CADM2: variants seen among roughly 807,000 people sequenced by gnomAD.
The protein encoded by CADM2 is cell adhesion molecule 2.
In CADM2, 12 loss-of-function variants were observed where a neutral mutation model predicts 49.8. The observed-to-expected ratio is 0.24, with a 90% CI of 0.15 to 0.39. CADM2 has a LOEUF of 0.39. Among genes scored for constraint, CADM2 ranks in the 10% least tolerant of loss-of-function variants. The probability of loss-of-function intolerance (pLI) is 1.00; values close to 1 mark genes in which losing one functional copy is unlikely to be tolerated. For missense variants in CADM2, 378 were observed against 492.3 expected (o/e 0.77, Z 2.20); for synonymous variants, 214 against 175.4 (o/e 1.22, Z -1.74).
chr3:85,806,119 G>T (rs936204503), intron 3 of CADM2, among the ~76,000 whole-genome samples: 1 of 140,964 alleles, frequency 7.1e-6, no homozygotes, highest in Non-Finnish European at 1.6e-5. Context: ...CCTGAGCTTG[G>T]ATTTCTGTAT....
At chr3:86,058,867 G>A (rs1214530703) in intron 8 of CADM2, among the ~76,000 whole-genome samples, 1 of 151,920 alleles carries the variant, frequency 6.6e-6, no homozygotes, top group East Asian at 1.9e-4. Context: ...GCCTAAGCAG[G>A]TGGATCACCT....
At chr3:84,976,756 A>C (rs1052101726) in intron 1 of CADM2, among the ~76,000 whole-genome samples, 1 of 151,876 alleles carries the variant, frequency 6.6e-6, no homozygotes, top group African/African-American at 2.4e-5. Context: ...TTTGATGAAA[A>C]TTAATCCTAG....
chr3:85,397,159 C>G (rs1235242916), intron 1 of CADM2, among the ~76,000 whole-genome samples: 2 of 151,910 alleles, frequency 1.3e-5, no homozygotes, highest in East Asian at 3.9e-4. Context: ...AAAAGATGCC[C>G]AATATCACTA....
intron 8 of CADM2, among the ~76,000 whole-genome samples, chr3:85,965,722 T>A (rs1389325337): frequency 1.3e-5 from 2 of 151,550 alleles, no homozygotes; most frequent in African/African-American, 4.8e-5. Context: ...AGGTTGAATA[T>A]CTTGTCTTCA....
intron 1 of CADM2, among the ~76,000 whole-genome samples, chr3:85,389,778 G>A (rs2034430809): frequency 6.6e-6 from 1 of 151,958 alleles, no homozygotes; most frequent in South Asian, 2.1e-4. Flanking sequence ...GAAAAACAAT[G>A]GATTGCCTTC....
chr3:85,863,727 G>C (rs2075621968), intron 3 of CADM2, among the ~76,000 whole-genome samples: 1 of 152,164 alleles, frequency 6.6e-6, no homozygotes, highest in Non-Finnish European at 1.5e-5. Flanking sequence ...GATTGAAACA[G>C]AAAGTGATCT....
At chr3:84,968,976 G>A (rs184107189) in intron 1 of CADM2, among the ~76,000 whole-genome samples, 415 of 152,128 alleles carry the variant, frequency 2.7e-3, no homozygotes, top group African/African-American at 8.8e-3. Flanking sequence ...ATAGAGAGAC[G>A]CTGAACTCAA....
chr3:86,024,605 GTTC>G, intron 8 of CADM2, among the ~76,000 whole-genome samples: 1 of 152,060 alleles, frequency 6.6e-6, no homozygotes, highest in Non-Finnish European at 1.5e-5. Context: ...AATTATGCAT[GTTC>G]TGTAAATGAT....
intron 1 of CADM2, among the ~76,000 whole-genome samples, chr3:85,018,762 G>C (rs1325467914): frequency 1.3e-5 from 2 of 152,028 alleles, no homozygotes; most frequent in African/African-American, 4.8e-5. Flanking sequence ...AATTACTTTT[G>C]CTTTTAATAT....
chr3:85,120,684 G>A (rs2038830263), intron 1 of CADM2, among the ~76,000 whole-genome samples: 1 of 152,066 alleles, frequency 6.6e-6, no homozygotes, highest in Non-Finnish European at 1.5e-5. Context: ...CTGGGGGGTA[G>A]GGGGCCAGGG....
chr3:85,314,078 C>T (rs1469451513), intron 1 of CADM2, among the ~76,000 whole-genome samples: 14 of 151,998 alleles, frequency 9.2e-5, no homozygotes, highest in Admixed American at 2.0e-4. Flanking sequence ...TTAGTAGAGA[C>T]GGAGTTTCAC....
chr3:85,064,157 A>G, intron 1 of CADM2, among the ~76,000 whole-genome samples: 1 of 152,094 alleles, frequency 6.6e-6, no homozygotes, highest in East Asian at 1.9e-4. Context: ...TAGGAAGCAA[A>G]TTTGTATCAA....
intron 1 of CADM2, among the ~76,000 whole-genome samples, chr3:85,182,088 G>A (rs1576060257): frequency 6.6e-6 from 1 of 151,502 alleles, no homozygotes; most frequent in Non-Finnish European, 1.5e-5. Flanking sequence ...CTTCTAAATT[G>A]AATGCAAAAT....
chr3:85,381,513 G>GTA (rs527257804), intron 1 of CADM2, among the ~76,000 whole-genome samples: 52 of 146,646 alleles, frequency 3.5e-4, no homozygotes, highest in Admixed American at 4.1e-4. Flanking sequence ...TATATATAAA[G>GTA]TATATATATA....
intron 1 of CADM2, among the ~76,000 whole-genome samples, chr3:85,439,246 C>T (rs2037076694): frequency 6.6e-6 from 1 of 151,330 alleles, no homozygotes; most frequent in Admixed American, 6.6e-5. Flanking sequence ...CTCCACCTCC[C>T]AGGTTCATGC....
intron 1 of CADM2, among the ~76,000 whole-genome samples, chr3:85,209,637 A>T (rs1399975249): frequency 6.6e-6 from 1 of 152,068 alleles, no homozygotes; most frequent in Admixed American, 6.6e-5. Context: ...CTATTTCTAA[A>T]TGCACAGATT....
Position 84,987,810 on chromosome 3 carries a change from C to T in CADM2, c.61+28142C>T, listed in dbSNP as rs2032659852. Among the ~76,000 whole-genome samples, 2 of 152,180 alleles carry T rather than the reference C, an allele frequency of 1.3e-5. 1 individual carries two copies. Among genetic ancestry groups the T allele is most frequent in the South Asian group, 4.1e-4 (2 of 4,826 alleles). On this transcript the variant is annotated intron_variant, in intron 1 of 9. Transcript: ENST00000383699. Reference sequence around the variant, plus strand: ...CCAGCTGTCTCCCCGACTTTTCAGACCATGCAGTACCTTGCCATCTACTAA... The same window carrying T: ...CCAGCTGTCTCCCCGACTTTTCAGATCATGCAGTACCTTGCCATCTACTAA...
chr3:85,667,913 C>G (rs1442756602), intron 1 of CADM2, among the ~76,000 whole-genome samples: 4 of 152,032 alleles, frequency 2.6e-5, no homozygotes, highest in African/African-American at 9.7e-5. Flanking sequence ...ATAAGCCCAG[C>G]ACCTTGGTAA....
chr3:85,726,082 C>A (rs1331120384), intron 1 of CADM2, among the ~76,000 whole-genome samples: 1 of 152,024 alleles, frequency 6.6e-6, no homozygotes, highest in Non-Finnish European at 1.5e-5. Context: ...GAAAGTCAGT[C>A]TCTGGCATTT....
Sources: allele counts gnomAD v4.1 joint callset (sites outside exome capture counted in the v4.1 genomes callset), GRCh38; gene constraint gnomAD v4.1.1; transcripts MANE v1.5; gene names NCBI Gene and HGNC (gene_info 2026-07-23, HGNC 2026-07-21).